Variants in STON1 observed in about 807,000 individuals in gnomAD.
The protein encoded by STON1 is stonin 1, also known as stonin-1.
In STON1, 79 loss-of-function variants were observed where a neutral mutation model predicts 60.9. That is an observed-to-expected ratio of 1.30 (90% CI 1.08 to 1.56). The LOEUF is 1.56. Among genes scored for constraint, STON1 ranks in the 40% most tolerant of loss-of-function variants. The pLI is 0.00. For synonymous variants in STON1, 363 were observed against 306.9 expected (o/e 1.18, Z -1.91); for missense variants, 1,166 against 858.9 (o/e 1.36, Z -4.47).
At chr2:48,535,018 T>A (rs1033650844) in intron 1 of STON1, among the ~76,000 whole-genome samples, 1 of 152,120 alleles carries the variant, frequency 6.6e-6, no homozygotes, top group African/African-American at 2.4e-5. Context: ...CCTTATGGGA[T>A]TCTGGAGCAG....
intron 1 of STON1, among the ~76,000 whole-genome samples, chr2:48,571,768 C>G (rs1673221379): frequency 6.6e-6 from 1 of 152,112 alleles, no homozygotes; most frequent in Non-Finnish European, 1.5e-5. Flanking sequence ...TAGTTGTTGA[C>G]TTTGTGCCAA....
At position 48,580,572 on chromosome 2, in the gene STON1, T is replaced by A; in HGVS notation, c.-47-15T>A. 2 of 1,320,760 alleles carry A rather than the reference T, an allele frequency of 1.5e-6. No individual in the cohort carries two copies. The highest frequency in any genetic ancestry group is 1.9e-6 in the Non-Finnish European group (2 of 1,026,890). 81.8% of individuals were successfully genotyped at this position (1,320,760 alleles called of 1,614,324 possible). Reference sequence around the variant, plus strand: ...TTTATATACCTATTTTCTCTTTATTTTATTTTTTTAACAGAGTCAACCTAT... The same window carrying A: ...TTTATATACCTATTTTCTCTTTATTATATTTTTTTAACAGAGTCAACCTAT... On this transcript the variant is annotated splice_polypyrimidine_tract_variant and intron_variant, in intron 1 of 3. Transcript: ENST00000404752.
At chr2:48,566,260 C>T (rs1432124610) in intron 1 of STON1, among the ~76,000 whole-genome samples, 2 of 152,178 alleles carry the variant, frequency 1.3e-5, no homozygotes, top group Non-Finnish European at 2.9e-5. Context: ...ACTGCAACCT[C>T]CACCTCCCAG....
chr2:48,590,636 A>AACACACACACATACACAC (rs1553365756), intron 2 of STON1, among the ~76,000 whole-genome samples: 1 of 142,034 alleles, frequency 7.0e-6, no homozygotes, highest in Non-Finnish European at 1.5e-5. Flanking sequence ...ATTTCCTTAT[A>AACACACACACATACACAC]ACACACACAC....
At chr2:48,567,954 A>AT (rs1673019744) in intron 1 of STON1, among the ~76,000 whole-genome samples, 1 of 152,192 alleles carries the variant, frequency 6.6e-6, no homozygotes, top group Non-Finnish European at 1.5e-5. Context: ...AGAATTCCTT[A>AT]TTTGAAAAAC....
intron 1 of STON1, among the ~76,000 whole-genome samples, chr2:48,534,112 T>G (rs1671332726): frequency 6.6e-6 from 1 of 152,180 alleles, no homozygotes; most frequent in South Asian, 2.1e-4. Flanking sequence ...GAAAGCACTA[T>G]AATTTTACTC....
At chr2:48,576,340 C>T (rs548507795) in intron 1 of STON1, among the ~76,000 whole-genome samples, 1 of 151,512 alleles carries the variant, frequency 6.6e-6, no homozygotes, top group African/African-American at 2.4e-5. Flanking sequence ...CAGGCACCCA[C>T]CACCACACCC....
chr2:48,578,529 TTTCTCCTCC>T (rs139630416), intron 1 of STON1, among the ~76,000 whole-genome samples: 61,215 of 127,866 alleles, frequency 0.48, 16,100 homozygotes, highest in Non-Finnish European at 0.57. Context: ...CCGCTTCCTC[TTTCTCCTCC>T]TTCTCCTCCT....
intron 1 of STON1, among the ~76,000 whole-genome samples, chr2:48,555,477 G>T (rs1325101754): frequency 1.0e-5 from 1 of 96,446 alleles, no homozygotes; most frequent in African/African-American, 4.0e-5. Context: ...CCTCCCGGAC[G>T]GGGCGGCTGG....
At chr2:48,589,752 A>G (rs1674407807) in intron 2 of STON1, among the ~76,000 whole-genome samples, 1 of 152,192 alleles carries the variant, frequency 6.6e-6, no homozygotes, top group Non-Finnish European at 1.5e-5. Flanking sequence ...ATCAAATCAG[A>G]TCATGTGTAG....
intron 1 of STON1, among the ~76,000 whole-genome samples, chr2:48,566,514 G>C (rs1430493186): frequency 1.3e-5 from 2 of 151,524 alleles, no homozygotes; most frequent in Non-Finnish European, 2.9e-5. Flanking sequence ...ATCTTCTGAC[G>C]TCGGGTGATC....
intron 2 of STON1, among the ~76,000 whole-genome samples, chr2:48,583,754 CTTTTTTTTT>C (rs905822150): frequency 2.2e-5 from 3 of 133,698 alleles, no homozygotes; most frequent in Admixed American, 7.6e-5. Flanking sequence ...TCTTTTTTTT[CTTTTTTTTT>C]TTTTTTTGAG....
intron 1 of STON1, among the ~76,000 whole-genome samples, chr2:48,534,454 C>A (rs1671345614): frequency 6.6e-6 from 1 of 152,116 alleles, no homozygotes; most frequent in African/African-American, 2.4e-5. Context: ...TCTACCATCT[C>A]CCTGCACATG....
chr2:48,554,336 C>G (rs534442784), intron 1 of STON1, among the ~76,000 whole-genome samples: 35 of 152,314 alleles, frequency 2.3e-4, no homozygotes, highest in Admixed American at 2.6e-4. Context: ...GTTCTCCTGC[C>G]TCAGCCTCCC....
chr2:48,567,899 A>G (rs1169460963), intron 1 of STON1, among the ~76,000 whole-genome samples: 1 of 143,640 alleles, frequency 7.0e-6, no homozygotes, highest in Non-Finnish European at 1.5e-5. Flanking sequence ...GCTAAAGTCT[A>G]GTTACAGTGT....
intron 1 of STON1, among the ~76,000 whole-genome samples, chr2:48,554,459 G>A (rs1572940305): frequency 6.6e-6 from 1 of 152,158 alleles, no homozygotes; most frequent in East Asian, 1.9e-4. Context: ...CTGACCTCAG[G>A]TGATCTGCCT....
chr2:48,590,905 C>A (rs79119567), intron 2 of STON1, among the ~76,000 whole-genome samples: 9,665 of 152,122 alleles, frequency 0.064, 466 homozygotes, highest in Non-Finnish European at 0.095. Flanking sequence ...AAAAAGAATT[C>A]TTGGCCTGGA....
intron 1 of STON1, among the ~76,000 whole-genome samples, chr2:48,539,430 T>C (rs778006264): frequency 1.1e-4 from 17 of 152,218 alleles, no homozygotes; most frequent in Non-Finnish European, 1.9e-4. Flanking sequence ...TATTTAAATC[T>C]ATAAATTTAC....
Position 48,596,055 on chromosome 2 carries a change from C to T in STON1, c.*753C>T, listed in dbSNP as rs759561136. ...TTCAAAATGGAATCTGAGTATTAGACACTAGTTAACATATTTGTGTATATT... is the reference window on the plus strand; with the variant it reads ...TTCAAAATGGAATCTGAGTATTAGATACTAGTTAACATATTTGTGTATATT... On this transcript the variant is annotated 3_prime_UTR_variant, in exon 4 of 4. Coordinates refer to ENST00000404752, the MANE Select transcript of STON1 (RefSeq NM_006873.4). The T allele has an allele frequency of 6.6e-6, 1 of 152,144 alleles. No homozygotes were observed. Among genetic ancestry groups the T allele is most frequent in the Non-Finnish European group, 1.5e-5 (1 of 68,018 alleles). 9.4% of individuals were successfully genotyped at this position (152,144 alleles called of 1,614,324 possible).
Sources: gnomAD v4.1 joint callset for allele counts (sites outside exome capture counted in the v4.1 genomes callset) on GRCh38, gnomAD v4.1.1 for gene constraint, MANE v1.5 for transcripts, NCBI Gene and HGNC (gene_info 2026-07-23, HGNC 2026-07-21) for gene names.